The following FAF1 variants were observed in gnomAD, a reference collection of about 807,000 sequenced individuals.
FAF1 encodes FAS-associated factor 1.
FAF1 carries 25 observed loss-of-function variants against 92.5 expected under a neutral mutation model. The observed-to-expected ratio is 0.27, with a 90% confidence interval of 0.20 to 0.38. The LOEUF (loss-of-function observed/expected upper bound fraction) is 0.38, where lower values mean the gene tolerates loss of function less well. FAF1 is among the 10% of genes least tolerant of loss of function. The pLI is 1.00. For synonymous variants in FAF1, 234 were observed against 273.2 expected (o/e 0.86, Z 1.42); for missense variants, 636 against 793.3 (o/e 0.80, Z 2.38).
chr1:50,760,935 C>T (rs552582711), intron 4 of FAF1, among the ~76,000 whole-genome samples: 13 of 151,880 alleles, frequency 8.6e-5, no homozygotes, highest in Middle Eastern at 6.8e-3. Context: ...ATTGATAGAC[C>T]GCTAGCAAGA....
chr1:50,773,504 C>CA, intron 4 of FAF1, among the ~76,000 whole-genome samples: 1 of 152,210 alleles, frequency 6.6e-6, no homozygotes, highest in South Asian at 2.1e-4. Flanking sequence ...TAAAAAAGAA[C>CA]AAAATTCTGT....
chr1:50,681,296 C>T lies in FAF1; in HGVS notation c.657+24490G>A, dbSNP rs117125037. Among the ~76,000 whole-genome samples, 1,701 of 152,260 alleles carry T rather than the reference C, an allele frequency of 0.011. 100 individuals carry two copies. In the East Asian group the frequency reaches 0.15, roughly 14 times the overall value. On this transcript the variant is annotated intron_variant, in intron 7 of 18. Transcript: ENST00000396153. ...TCCTGACCTCAAGTGATAAGCCTCC[C>T]TCAACCTCCCAAAATGCTGGGATTA...
intron 2 of FAF1, among the ~76,000 whole-genome samples, chr1:50,848,063 C>A (rs1644317251): frequency 6.6e-6 from 1 of 151,966 alleles, no homozygotes; most frequent in Non-Finnish European, 1.5e-5. Flanking sequence ...TTATTGCCAA[C>A]AAATGTACTC....
intron 2 of FAF1, among the ~76,000 whole-genome samples, chr1:50,823,286 G>T (rs1172795457): frequency 6.6e-6 from 1 of 152,122 alleles, no homozygotes; most frequent in African/African-American, 2.4e-5. Flanking sequence ...ATTTAATTCA[G>T]GAAAGTAGGT....
At chr1:50,898,171 T>A (rs562572145) in intron 1 of FAF1, among the ~76,000 whole-genome samples, 9 of 152,356 alleles carry the variant, frequency 5.9e-5, no homozygotes, top group Non-Finnish European at 1.3e-4. Flanking sequence ...CCAGGCATGG[T>A]GGTGCATTCC....
chr1:50,944,883 A>G (rs1268871634), intron 1 of FAF1, among the ~76,000 whole-genome samples: 1 of 152,190 alleles, frequency 6.6e-6, no homozygotes, highest in African/African-American at 2.4e-5. Context: ...AAATAGGGCT[A>G]TATAACCTCC....
chr1:50,609,824 C>T (rs34628765), intron 8 of FAF1, among the ~76,000 whole-genome samples: 215 of 151,922 alleles, frequency 1.4e-3, no homozygotes, highest in Admixed American at 2.9e-3. Context: ...CATTAGATTG[C>T]CCAAAATATA....
rs1649501581 is a variant in FAF1 at position 50,555,043 on chromosome 1, CCT to C, written c.1268+12032_1268+12033del. ...CCAGCCTGAGCAACATGGTGAAACC[CCT>C]GTCTCTACAAAAAAAAAATAATAAT... is the stretch of plus-strand genomic sequence containing the variant. On this transcript the variant is annotated intron_variant, in intron 13 of 18. Coordinates refer to ENST00000396153, the MANE Select transcript of FAF1 (RefSeq NM_007051.3). Among the ~76,000 whole-genome samples, 2 of 151,858 alleles carry C rather than the reference CCT, an allele frequency of 1.3e-5. 1 individual carries two copies. The highest frequency in any genetic ancestry group is 4.2e-4 in the South Asian group (2 of 4,806).
chr1:50,728,826 G>A (rs1658775719), intron 6 of FAF1, among the ~76,000 whole-genome samples: 1 of 150,252 alleles, frequency 6.7e-6, no homozygotes, highest in Non-Finnish European at 1.5e-5. Context: ...GAAAACTAGT[G>A]GAGAGTTTTG....
chr1:50,444,940 C>A (rs1646211366), intron 18 of FAF1, among the ~76,000 whole-genome samples: 1 of 152,156 alleles, frequency 6.6e-6, no homozygotes, highest in South Asian at 2.1e-4. Context: ...TGGGTGAACT[C>A]TCTGCTGTTC....
chr1:50,877,779 G>A (rs192623335), intron 1 of FAF1, among the ~76,000 whole-genome samples: 3 of 152,184 alleles, frequency 2.0e-5, no homozygotes, highest in East Asian at 1.9e-4. Context: ...TAACAGAAAC[G>A]GCTGTTGTGA....
chr1:50,445,811 C>T (rs1451533804), intron 18 of FAF1, among the ~76,000 whole-genome samples: 1 of 152,182 alleles, frequency 6.6e-6, no homozygotes, highest in African/African-American at 2.4e-5. Context: ...CTTCACTATA[C>T]TTAGAAAACC....
chr1:50,787,336 G>A (rs1473367219), intron 4 of FAF1, among the ~76,000 whole-genome samples: 1 of 152,168 alleles, frequency 6.6e-6, no homozygotes, highest in South Asian at 2.1e-4. Context: ...GTATTAAGAC[G>A]CAGGTCCTTT....
At chr1:50,566,219 C>T (rs1011619457) in intron 13 of FAF1, among the ~76,000 whole-genome samples, 3 of 151,978 alleles carry the variant, frequency 2.0e-5, no homozygotes, top group East Asian at 3.8e-4. Context: ...TGAATGATGA[C>T]CAAAAATTCA....
chr1:50,518,050 A>G (rs1231010728), intron 15 of FAF1, among the ~76,000 whole-genome samples: 3 of 152,234 alleles, frequency 2.0e-5, no homozygotes, highest in African/African-American at 7.2e-5. Context: ...TCATGTAACC[A>G]CCACCACAAT....
chr1:50,885,113 ACGTGT>A (rs1171504215), intron 1 of FAF1, among the ~76,000 whole-genome samples: 1 of 152,036 alleles, frequency 6.6e-6, no homozygotes, highest in Non-Finnish European at 1.5e-5. Context: ...ATCAGACATA[ACGTGT>A]CGTTTTTCAT....
intron 15 of FAF1, among the ~76,000 whole-genome samples, chr1:50,514,881 C>T (rs926817375): frequency 6.6e-6 from 1 of 152,192 alleles, no homozygotes; most frequent in Admixed American, 6.5e-5. Context: ...ACAATGTACA[C>T]ATCTGCCTGG....
intron 1 of FAF1, among the ~76,000 whole-genome samples, chr1:50,958,558 G>C (rs1473638030): frequency 1.3e-5 from 2 of 151,854 alleles, no homozygotes; most frequent in Non-Finnish European, 2.9e-5. Flanking sequence ...GGCGCCTGTA[G>C]TCCCAGCTAC....
chr1:50,872,808 G>A (rs1346606682), intron 1 of FAF1, among the ~76,000 whole-genome samples: 2 of 151,984 alleles, frequency 1.3e-5, no homozygotes, highest in Non-Finnish European at 2.9e-5. Flanking sequence ...GCTGAGGCAG[G>A]AGAATCGCTT....
Sources: gnomAD v4.1 joint callset for allele counts (sites outside exome capture counted in the v4.1 genomes callset) on GRCh38, gnomAD v4.1.1 for gene constraint, MANE v1.5 for transcripts, NCBI Gene and HGNC (gene_info 2026-07-23, HGNC 2026-07-21) for gene names.